Variants in STPG2 observed in about 807,000 individuals in gnomAD.
STPG2 encodes sperm tail PG-rich repeat containing 2.
In STPG2, 56 loss-of-function variants were observed where a neutral mutation model predicts 54.2. The ratio of observed to expected loss-of-function variants is 1.03; its 90% CI spans 0.83 to 1.29. STPG2 has a LOEUF of 1.29. Among genes scored for constraint, STPG2 ranks in the 50% most tolerant of loss-of-function variants. The pLI is 0.00. For missense variants in STPG2, 596 were observed against 544.9 expected (o/e 1.09, Z -0.93); for synonymous variants, 200 against 181.8 (o/e 1.10, Z -0.81).
chr4:97,539,212 T>G (rs1224207796), intron 4 of STPG2, among the ~76,000 whole-genome samples: 4 of 152,162 alleles, frequency 2.6e-5, no homozygotes, highest in Non-Finnish European at 1.5e-5. Context: ...TAAATGTAAA[T>G]GGACTAAATG....
chr4:97,932,858 T>G (rs533813231), intron 8 of STPG2, among the ~76,000 whole-genome samples: 1 of 152,344 alleles, frequency 6.6e-6, no homozygotes, highest in South Asian at 2.1e-4. Flanking sequence ...ATAGAATTAT[T>G]TGTATTCCTT....
chr4:97,861,414 C>T (rs762929564), intron 8 of STPG2, among the ~76,000 whole-genome samples: 1 of 152,086 alleles, frequency 6.6e-6, no homozygotes, highest in Non-Finnish European at 1.5e-5. Context: ...TTAGTACAAC[C>T]ACTTTGGAGA....
intron 4 of STPG2, among the ~76,000 whole-genome samples, chr4:97,458,110 A>C (rs1729573371): frequency 6.6e-6 from 1 of 152,206 alleles, no homozygotes; most frequent in African/African-American, 2.4e-5. Context: ...TTGGTATTCA[A>C]AGCATTTTTC....
At chr4:97,675,943 AT>A (rs1722826609) in intron 10 of STPG2, among the ~76,000 whole-genome samples, 1 of 146,544 alleles carries the variant, frequency 6.8e-6, no homozygotes, top group African/African-American at 2.5e-5. Flanking sequence ...TATGCTATAT[AT>A]ATAGTATATA....
intron 9 of STPG2, among the ~76,000 whole-genome samples, chr4:97,839,084 C>T (rs1448282010): frequency 6.6e-6 from 1 of 151,610 alleles, no homozygotes; most frequent in Non-Finnish European, 1.5e-5. Flanking sequence ...CAAATGAATA[C>T]ATTTCCCTTA....
chr4:97,835,485 A>G lies in STPG2; in HGVS notation c.1204+5288T>C, dbSNP rs149536859. The stretch of plus-strand genomic sequence containing the variant: ...TCTTAATAAACTTGCTTTCACTTAC[A>G]AAATAAAAATGTTACTACTTGTTGA... On this transcript the variant is annotated intron_variant, in intron 9 of 10. Transcript: ENST00000295268. Among the ~76,000 whole-genome samples the G allele has an allele frequency of 2.8e-3, 426 of 152,200 alleles. 3 individuals carry two copies. Among genetic ancestry groups the G allele is most frequent in the African/African-American group, 9.4e-3 (390 of 41,538 alleles).
intron 1 of STPG2, among the ~76,000 whole-genome samples, chr4:98,136,369 T>G (rs934545115): frequency 1.3e-5 from 2 of 151,704 alleles, no homozygotes; most frequent in African/African-American, 4.8e-5. Context: ...TATAATAGCA[T>G]AGATTAGTTT....
At chr4:97,677,996 A>T (rs1560714606) in intron 10 of STPG2, among the ~76,000 whole-genome samples, 1 of 152,172 alleles carries the variant, frequency 6.6e-6, no homozygotes, top group Non-Finnish European at 1.5e-5. Flanking sequence ...CTATATATAC[A>T]TCATTAAATA....
chr4:97,494,682 A>G (rs1578342156), intron 4 of STPG2, among the ~76,000 whole-genome samples: 1 of 150,950 alleles, frequency 6.6e-6, no homozygotes, highest in East Asian at 2.0e-4. Flanking sequence ...ATAGACTTCA[A>G]GCAAATGCTG....
At chr4:98,073,788 C>T (rs766200226) in intron 5 of STPG2, among the ~76,000 whole-genome samples, 19 of 152,044 alleles carry the variant, frequency 1.2e-4, no homozygotes, top group Non-Finnish European at 2.5e-4. Flanking sequence ...ACAAATTTGG[C>T]ACTGCATATT....
At chr4:98,068,145 C>T (rs982438742) in intron 5 of STPG2, among the ~76,000 whole-genome samples, 1 of 152,136 alleles carries the variant, frequency 6.6e-6, no homozygotes, top group African/African-American at 2.4e-5. Context: ...ATCCCCCTTG[C>T]CACCACAGGG....
rs187454193 is a variant in STPG2 at position 97,689,845 on chromosome 4, T to A, written c.1320+22854A>T. 4.1e-3 allele frequency among the ~76,000 whole-genome samples: 627 copies of A among 152,140 alleles called. 3 individuals are homozygous for A. The highest frequency in any genetic ancestry group is 0.02 in the South Asian group (98 of 4,816). On this transcript the variant is annotated intron_variant, in intron 10 of 10. Coordinates refer to ENST00000295268, the MANE Select transcript of STPG2 (RefSeq NM_174952.3). Reference sequence around the variant, plus strand: ...GAAAGATAATTAAGATTGTCTTAATTTTTTTACCTCAAAATTTTACAAGCA... The same window carrying A: ...GAAAGATAATTAAGATTGTCTTAATATTTTTACCTCAAAATTTTACAAGCA...
intron 10 of STPG2, among the ~76,000 whole-genome samples, chr4:97,612,723 G>C (rs1306442522): frequency 6.6e-6 from 1 of 152,014 alleles, no homozygotes; most frequent in African/African-American, 2.4e-5. Flanking sequence ...AGGAAAATCT[G>C]CCACACCACG....
chr4:98,058,338 T>A (rs772072288), intron 5 of STPG2, among the ~76,000 whole-genome samples: 5 of 152,148 alleles, frequency 3.3e-5, no homozygotes, highest in Non-Finnish European at 5.9e-5. Flanking sequence ...GTGACACACA[T>A]AGGCTCAAAA....
chr4:97,777,075 T>C (rs1288757161), intron 9 of STPG2, among the ~76,000 whole-genome samples: 1 of 152,202 alleles, frequency 6.6e-6, no homozygotes, highest in East Asian at 1.9e-4. Context: ...TATTAGGTTG[T>C]GATGATTAAT....
At chr4:98,010,756 C>T (rs1527517) in intron 5 of STPG2, among the ~76,000 whole-genome samples, 59,937 of 151,776 alleles carry the variant, frequency 0.39, 12,061 homozygotes, top group Middle Eastern at 0.46. Flanking sequence ...TGATTTTTTG[C>T]AGTGCTATGC....
intron 8 of STPG2, among the ~76,000 whole-genome samples, chr4:97,942,642 T>A (rs920513235): frequency 6.6e-6 from 1 of 152,138 alleles, no homozygotes; most frequent in Non-Finnish European, 1.5e-5. Context: ...TGCTATTATT[T>A]CCAAGACATT....
At chr4:97,513,807 G>C (rs1731020704) in intron 4 of STPG2, among the ~76,000 whole-genome samples, 2 of 151,832 alleles carry the variant, frequency 1.3e-5, no homozygotes, top group Non-Finnish European at 2.9e-5. Flanking sequence ...GCAAAACAAG[G>C]GCACTAAATC....
chr4:97,806,527 T>C (rs947453743), intron 9 of STPG2, among the ~76,000 whole-genome samples: 2 of 151,764 alleles, frequency 1.3e-5, no homozygotes, highest in African/African-American at 4.8e-5. Context: ...AAGTTGAAAA[T>C]AAATAATAAA....
Sources: allele counts gnomAD v4.1 joint callset (sites outside exome capture counted in the v4.1 genomes callset), GRCh38; gene constraint gnomAD v4.1.1; transcripts MANE v1.5; gene names NCBI Gene and HGNC (gene_info 2026-07-23, HGNC 2026-07-21).